Variants in RTL4 observed in about 807,000 individuals in gnomAD.
RTL4 encodes retrotransposon Gag like 4.
A neutral mutation model predicts 5.3 loss-of-function variants in RTL4; 4 were observed. The observed-to-expected ratio is 0.75, with a 90% CI of 0.37 to 1.72. The LOEUF (loss-of-function observed/expected upper bound fraction) is 1.72. RTL4 is among the 40% of genes most tolerant of loss of function. The pLI is 0.04. For missense variants in RTL4, 260 were observed against 227.1 expected (o/e 1.14, Z -0.93); for synonymous variants, 98 against 87.3 (o/e 1.12, Z -0.68).
the RTL4 span, among the ~76,000 whole-genome samples, chrX:112,132,734 C>G: frequency 8.9e-6 from 1 of 112,306 alleles, no homozygotes; most frequent in African/African-American, 3.2e-5. Flanking sequence ...TGGTTGTCTT[C>G]TCTCCCATTT....
chrX:112,455,011 C>A (rs144934498), exon 1 of RTL4: 1 of 1,211,536 alleles, frequency 8.3e-7, no homozygotes, highest in African/African-American at 1.7e-5. Context: ...AAATGATGCC[C>A]AGATCAAACT....
the RTL4 span, among the ~76,000 whole-genome samples, chrX:112,165,024 T>C: frequency 8.9e-6 from 1 of 111,818 alleles, no homozygotes; most frequent in Non-Finnish European, 1.9e-5. Flanking sequence ...ATTTGTGCCA[T>C]TTCTCTGTCC....
At chrX:112,140,233 G>T in the RTL4 span, among the ~76,000 whole-genome samples, 5 of 110,974 alleles carry the variant, frequency 4.5e-5, no homozygotes, top group East Asian at 1.4e-3. Context: ...GATGCTCCAG[G>T]ATCACCTAGT....
At chrX:112,445,433 T>C in the RTL4 span, among the ~76,000 whole-genome samples, 2 of 112,210 alleles carry the variant, frequency 1.8e-5, no homozygotes, top group African/African-American at 6.5e-5. Flanking sequence ...TCACATCTAC[T>C]CTTATTTGTT....
chrX:112,407,837 G>A, the RTL4 span, among the ~76,000 whole-genome samples: 1 of 112,660 alleles, frequency 8.9e-6, no homozygotes, highest in African/African-American at 3.2e-5. Context: ...GAAAGTGAGA[G>A]AAGAGAACAA....
At chrX:112,267,011 C>T in the RTL4 span, among the ~76,000 whole-genome samples, 1 of 111,788 alleles carries the variant, frequency 8.9e-6, no homozygotes, top group Admixed American at 9.5e-5. Context: ...AAAGATATTG[C>T]TCTAGCAATT....
At chrX:112,340,877 C>G in the RTL4 span, among the ~76,000 whole-genome samples, 2 of 110,069 alleles carry the variant, frequency 1.8e-5, no homozygotes, top group Non-Finnish European at 3.8e-5. Flanking sequence ...CCACCACGCC[C>G]AGCTAATTTT....
chrX:112,450,304 A>G (rs147039804), upstream of RTL4, among the ~76,000 whole-genome samples: 1,381 of 112,379 alleles, frequency 0.012, 14 homozygotes, highest in African/African-American at 0.043. Flanking sequence ...TAATTTACCA[A>G]ACCCATTTTT....
the RTL4 span, among the ~76,000 whole-genome samples, chrX:112,294,694 C>T: frequency 8.9e-6 from 1 of 112,242 alleles, no homozygotes; most frequent in Non-Finnish European, 1.9e-5. Context: ...TTTGGCATCT[C>T]GCATCTACTT....
the RTL4 span, among the ~76,000 whole-genome samples, chrX:112,288,967 T>C: frequency 8.9e-6 from 1 of 111,980 alleles, no homozygotes; most frequent in Admixed American, 9.5e-5. Context: ...GGACAGTCTG[T>C]ATCCCTGGTA....
At chrX:112,365,454 A>G in the RTL4 span, among the ~76,000 whole-genome samples, 106 of 111,409 alleles carry the variant, frequency 9.5e-4, no homozygotes, top group Middle Eastern at 4.6e-3. Flanking sequence ...TATTTCTACT[A>G]GTGCCATTCC....
the RTL4 span, among the ~76,000 whole-genome samples, chrX:112,265,818 C>T: frequency 2.8e-5 from 3 of 108,234 alleles, no homozygotes; most frequent in Non-Finnish European, 5.7e-5. Flanking sequence ...CCATGCATAA[C>T]CTTAACCATT....
At chrX:112,085,812 CAG>C in the RTL4 span, among the ~76,000 whole-genome samples, 1 of 111,970 alleles carries the variant, frequency 8.9e-6, no homozygotes, top group African/African-American at 3.3e-5. Flanking sequence ...TTGCATTGAA[CAG>C]AGTCTCAGAA....
chrX:112,138,480 T>C, the RTL4 span, among the ~76,000 whole-genome samples: 7 of 111,776 alleles, frequency 6.3e-5, no homozygotes, highest in East Asian at 1.7e-3. Flanking sequence ...TGCAATAGAT[T>C]GTAATGATGG....
At chrX:112,162,649 T>G in the RTL4 span, among the ~76,000 whole-genome samples, 675 of 112,052 alleles carry the variant, frequency 6.0e-3, 5 homozygotes, top group African/African-American at 0.02. Context: ...AAAATGTGAT[T>G]TTAGCAATCA....
chrX:112,274,305 T>G, the RTL4 span, among the ~76,000 whole-genome samples: 1 of 111,488 alleles, frequency 9.0e-6, no homozygotes, highest in East Asian at 2.8e-4. Flanking sequence ...TGGAGGGAAA[T>G]TTCAGGGGAG....
the RTL4 span, among the ~76,000 whole-genome samples, chrX:112,313,683 A>G: frequency 9.2e-6 from 1 of 109,179 alleles, no homozygotes; most frequent in South Asian, 4.1e-4. Context: ...CTTATCTGAG[A>G]GGGTTAGATT....
chrX:112,434,366 A>G, the RTL4 span, among the ~76,000 whole-genome samples: 5 of 110,055 alleles, frequency 4.5e-5, no homozygotes, highest in Non-Finnish European at 9.5e-5. Flanking sequence ...CTGGTCCTGG[A>G]CTCATTTTGG....
the RTL4 span, among the ~76,000 whole-genome samples, chrX:112,414,704 A>T: frequency 8.9e-6 from 1 of 111,795 alleles, no homozygotes; most frequent in African/African-American, 3.2e-5. Flanking sequence ...CATGAAGAGA[A>T]GGTGACTTGA....
Sources: allele counts gnomAD v4.1 joint callset (sites outside exome capture counted in the v4.1 genomes callset), GRCh38; gene constraint gnomAD v4.1.1; transcripts MANE v1.5; gene names NCBI Gene and HGNC (gene_info 2026-07-23, HGNC 2026-07-21).